The following PCDH15 variants were observed in gnomAD, a reference collection of about 807,000 sequenced individuals.
PCDH15 encodes protocadherin-15.
A neutral mutation model predicts 178.5 loss-of-function variants in PCDH15; 129 were observed. The ratio of observed to expected loss-of-function variants is 0.72; its 90% CI spans 0.63 to 0.84. PCDH15 has a LOEUF of 0.84. PCDH15 is among the 40% of genes least tolerant of loss of function. PCDH15 has a pLI of 0.00. For missense variants in PCDH15, 2,230 were observed against 2,099.9 expected, an observed-to-expected ratio of 1.06 and a Z score of -1.21; for synonymous variants, 800 against 732.0, an observed-to-expected ratio of 1.09 and a Z score of -1.50.
chr10:54,311,555 T>C (rs1343456575), intron 8 of PCDH15, among the ~76,000 whole-genome samples: 1 of 152,052 alleles, frequency 6.6e-6, no homozygotes, highest in Non-Finnish European at 1.5e-5. Context: ...CATAATAATA[T>C]ATCTGGGCAA....
At chr10:53,822,660 A>C (rs1564535824) in intron 32 of PCDH15, 1 of 1,614,132 alleles carries the variant, frequency 6.2e-7, no homozygotes, top group Non-Finnish European at 8.5e-7. Context: ...AGAACTGATG[A>C]CATTAGGTTC....
At chr10:53,974,774 T>G (rs1307847315) in intron 21 of PCDH15, among the ~76,000 whole-genome samples, 2 of 152,198 alleles carry the variant, frequency 1.3e-5, no homozygotes, top group Non-Finnish European at 2.9e-5. Context: ...TTTCTTATTT[T>G]TTTTTTAAAT....
intron 2 of PCDH15, among the ~76,000 whole-genome samples, chr10:55,391,123 C>T (rs997928122): frequency 6.6e-6 from 1 of 152,236 alleles, no homozygotes; most frequent in Middle Eastern, 3.4e-3. Flanking sequence ...TTGTCTACAC[C>T]GAAGATCTGT....
At chr10:55,328,283 CTGATAAA>C (rs1844087931) in intron 2 of PCDH15, among the ~76,000 whole-genome samples, 1 of 151,698 alleles carries the variant, frequency 6.6e-6, no homozygotes, top group African/African-American at 2.4e-5. Flanking sequence ...GGGATACATT[CTGATAAA>C]TGAGTCATTA....
At chr10:54,022,830 C>T in intron 19 of PCDH15, 62 bp downstream of exon 19, 15 of 1,572,718 alleles carry the variant, frequency 9.5e-6, no homozygotes, top group Non-Finnish European at 1.3e-5. Context: ...TTTTGGCACA[C>T]AAACCCTAAT....
chr10:54,480,091 A>G (rs1484771672), intron 3 of PCDH15, among the ~76,000 whole-genome samples: 2 of 151,806 alleles, frequency 1.3e-5, no homozygotes, highest in Non-Finnish European at 2.9e-5. Flanking sequence ...TGTAAAGTAC[A>G]GTGGTTTTGC....
At chr10:54,460,844 C>T (rs1043804328) in intron 3 of PCDH15, among the ~76,000 whole-genome samples, 4 of 151,938 alleles carry the variant, frequency 2.6e-5, no homozygotes, top group South Asian at 2.1e-4. Context: ...GGAACTCCAA[C>T]GTGGGAGAGT....
intron 3 of PCDH15, among the ~76,000 whole-genome samples, chr10:54,420,201 T>C (rs1201058643): frequency 6.6e-6 from 1 of 152,094 alleles, no homozygotes; most frequent in Non-Finnish European, 1.5e-5. Context: ...TGTTAATATG[T>C]TGCCCATAAT....
chr10:55,023,272 A>G (rs190094725), intron 2 of PCDH15, among the ~76,000 whole-genome samples: 8 of 152,272 alleles, frequency 5.3e-5, no homozygotes, highest in Admixed American at 3.9e-4. Context: ...GATTTCCATA[A>G]TGGTTAAAAT....
At chr10:54,427,711 G>T (rs968160247) in intron 3 of PCDH15, among the ~76,000 whole-genome samples, 1 of 152,056 alleles carries the variant, frequency 6.6e-6, no homozygotes, top group Admixed American at 6.6e-5. Context: ...ACAATAAAAA[G>T]GTATTAATGT....
chr10:54,535,603 G>C (rs2489894), intron 2 of PCDH15, among the ~76,000 whole-genome samples: 29,361 of 150,792 alleles, frequency 0.19, 3,465 homozygotes, highest in Admixed American at 0.33. Context: ...CCAGCTATTC[G>C]GGAGGCTGAG....
chr10:54,891,436 A>G (rs540585102), intron 3 of PCDH15, among the ~76,000 whole-genome samples: 1 of 152,114 alleles, frequency 6.6e-6, no homozygotes, highest in Admixed American at 6.6e-5. Context: ...TACAGTTTCT[A>G]TGTCTGATCA....
upstream of PCDH15, among the ~76,000 whole-genome samples, chr10:54,802,497 T>C (rs767742352): frequency 1.3e-5 from 2 of 152,176 alleles, no homozygotes; most frequent in Non-Finnish European, 2.9e-5. Flanking sequence ...ACTAAATTAC[T>C]TGCTTCCTTA....
chr10:55,134,751 T>G (rs7071000), intron 2 of PCDH15, among the ~76,000 whole-genome samples: 2 of 152,082 alleles, frequency 1.3e-5, no homozygotes, highest in African/African-American at 4.8e-5. Context: ...CAACAGTTCA[T>G]GTGAGTTTTC....
At chr10:54,528,945 A>G in intron 2 of PCDH15, among the ~76,000 whole-genome samples, 1 of 152,046 alleles carries the variant, frequency 6.6e-6, no homozygotes, top group East Asian at 1.9e-4. Flanking sequence ...TCTACTAGGA[A>G]ATACTTTGTG....
At position 54,104,750 on chromosome 10, in the gene PCDH15, C is replaced by T. The variant is rs569254607; in HGVS notation, c.1918-14687G>A. Among the ~76,000 whole-genome samples, 579 of 146,766 alleles carry T rather than the reference C, an allele frequency of 3.9e-3. 10 individuals are homozygous for T. The highest frequency in any genetic ancestry group is 0.014 in the African/African-American group (539 of 39,526). Reference sequence around the variant, plus strand: ...TACTCAGGAGGCTGAGGCAGGAGAACGGCATGAACCCAGGAGGTGGAGCTT... The same window carrying T: ...TACTCAGGAGGCTGAGGCAGGAGAATGGCATGAACCCAGGAGGTGGAGCTT... On this transcript the variant is annotated intron_variant, in intron 15 of 37. Coordinates refer to ENST00000644397, the MANE Select transcript of PCDH15 (RefSeq NM_001384140.1).
intron 2 of PCDH15, among the ~76,000 whole-genome samples, chr10:55,121,237 G>A (rs1837760534): frequency 6.6e-6 from 1 of 152,062 alleles, no homozygotes; most frequent in Non-Finnish European, 1.5e-5. Context: ...TTACCTTGTT[G>A]GGTTTTAGAC....
intron 27 of PCDH15, among the ~76,000 whole-genome samples, chr10:53,866,357 T>C (rs925965541): frequency 1.8e-4 from 27 of 151,892 alleles, no homozygotes; most frequent in African/African-American, 4.6e-4. Context: ...CCAGTGCTTA[T>C]ACCTTTGCTG....
At chr10:53,968,394 C>G (rs1320080308) in intron 21 of PCDH15, among the ~76,000 whole-genome samples, 1 of 152,180 alleles carries the variant, frequency 6.6e-6, no homozygotes, top group Non-Finnish European at 1.5e-5. Flanking sequence ...TCAAGGAGGC[C>G]TGCCTGCCTC....
Sources: allele counts gnomAD v4.1 joint callset (sites outside exome capture counted in the v4.1 genomes callset), GRCh38; gene constraint gnomAD v4.1.1; transcripts MANE v1.5; gene names NCBI Gene and HGNC (gene_info 2026-07-23, HGNC 2026-07-21).